Variants in B3GALT5 observed in about 807,000 individuals in gnomAD.
B3GALT5 encodes the protein UDP-Gal:betaGlcNAc beta 1,3-galactosyltransferase, polypeptide 5.
For missense variants in B3GALT5, 328 were observed against 396.6 expected (o/e 0.83, Z 1.47); for synonymous variants, 156 against 158.6 (o/e 0.98, Z 0.12).
In B3GALT5 at chr21:39,625,702, G is replaced by A. The variant is rs572760071; in HGVS notation, c.-392+12635G>A. Among the ~76,000 whole-genome samples, 5 of 152,266 alleles carry A rather than the reference G, an allele frequency of 3.3e-5. No individual in the cohort carries two copies. In the East Asian group the frequency reaches 5.8e-4, roughly 18 times the overall value. On this transcript the variant is annotated intron_variant, in intron 1 of 3. Coordinates refer to ENST00000684187, the MANE Select transcript of B3GALT5 (RefSeq NM_001356336.2). ...GCAATTCTACCTTCCTCTCACCCCC[G>A]CAGGGGCGCACACAGGGACTCCTGA...
intron 1 of B3GALT5, among the ~76,000 whole-genome samples, chr21:39,644,720 G>A (rs1487641628): frequency 6.6e-6 from 1 of 152,188 alleles, no homozygotes; most frequent in African/African-American, 2.4e-5. Context: ...TGCCATGAAT[G>A]CTTTCATTTA....
intron 2 of B3GALT5, among the ~76,000 whole-genome samples, chr21:39,656,460 GGCTCAGAAT>G (rs1351081637): frequency 6.6e-6 from 1 of 152,144 alleles, no homozygotes; most frequent in Non-Finnish European, 1.5e-5. Context: ...TCCTTCACGG[GGCTCAGAAT>G]GCTCACCAGC....
At chr21:39,652,094 C>T (rs1534079) in intron 2 of B3GALT5, among the ~76,000 whole-genome samples, 76,829 of 151,914 alleles carry the variant, frequency 0.51, 19,595 homozygotes, top group Middle Eastern at 0.57. Flanking sequence ...GTTCCTCCCC[C>T]TGGAGCTCCA....
chr21:39,623,391 A>C (rs1426048260), intron 1 of B3GALT5, among the ~76,000 whole-genome samples: 2 of 151,826 alleles, frequency 1.3e-5, no homozygotes, highest in Admixed American at 6.6e-5. Flanking sequence ...ATTTAATGAT[A>C]TATTTGATCA....
chr21:39,659,586 C>T (rs553915895), intron 2 of B3GALT5, among the ~76,000 whole-genome samples, 167 bp from the exon 3 acceptor site: 50 of 152,284 alleles, frequency 3.3e-4, no homozygotes, highest in Non-Finnish European at 5.6e-4. Context: ...TTGCCTTGAT[C>T]ATACCCATTT....
At chr21:39,628,324 T>C (rs1228670408) in intron 1 of B3GALT5, among the ~76,000 whole-genome samples, 1 of 152,188 alleles carries the variant, frequency 6.6e-6, no homozygotes, top group Non-Finnish European at 1.5e-5. Context: ...TGTGTAGTGG[T>C]CTAGTCAGGG....
chr21:39,634,444 T>G (rs931484942), intron 1 of B3GALT5, among the ~76,000 whole-genome samples: 2 of 152,194 alleles, frequency 1.3e-5, no homozygotes, highest in African/African-American at 4.8e-5. Flanking sequence ...TTTCTGGCAT[T>G]CAGTCCACTT....
rs117298342 is a variant in B3GALT5, at chr21:39,657,839, C to T, written c.-160-1914C>T. On this transcript the variant is annotated intron_variant, in intron 2 of 3. Transcript: ENST00000684187. ...GAATCTGCTGGAGAAACTGCCATTC[C>T]GTTATTGACTGGCTGGTCAGGCCAT... 1.7e-3 allele frequency: 2,050 copies of T among 1,231,486 alleles called. 14 individuals carry two copies. In the East Asian group the frequency reaches 0.029, roughly 18 times the overall value. The allele number at this position is 1,231,486 out of a possible 1,614,324, so 76.3% of individuals were successfully genotyped here.
intron 2 of B3GALT5, among the ~76,000 whole-genome samples, chr21:39,647,628 G>A (rs1326235742): frequency 4.6e-5 from 7 of 152,090 alleles, no homozygotes; most frequent in Non-Finnish European, 7.4e-5. Context: ...GATTATGGGC[G>A]TGAGTCACCA....
Position 39,667,971 on chromosome 21 carries a change from G to A in B3GALT5, c.*6479G>A, listed in dbSNP as rs1408633238. The A allele has an allele frequency of 6.6e-6, 1 of 152,262 alleles. No homozygotes were observed. Among genetic ancestry groups the A allele is most frequent in the African/African-American group, 2.4e-5 (1 of 41,468 alleles). 9.4% of individuals were successfully genotyped at this position (152,262 alleles called of 1,614,324 possible). On this transcript the variant is annotated 3_prime_UTR_variant, in exon 4 of 4. Coordinates refer to ENST00000684187, the MANE Select transcript of B3GALT5 (RefSeq NM_001356336.2). The stretch of plus-strand genomic sequence containing the variant: ...ATGATAATAGTGTTCACCTCAGAAG[G>A]TTGTCAGAGGTGTGGAAATTAAGAT...
intron 2 of B3GALT5, among the ~76,000 whole-genome samples, chr21:39,652,600 G>A (rs897117082): frequency 1.3e-5 from 2 of 152,228 alleles, no homozygotes; most frequent in Non-Finnish European, 2.9e-5. Context: ...AGCAGAAGGG[G>A]ACTCCTGTAT....
chr21:39,628,761 T>G (rs915394861), intron 1 of B3GALT5, among the ~76,000 whole-genome samples: 3 of 152,242 alleles, frequency 2.0e-5, no homozygotes, highest in African/African-American at 7.2e-5. Context: ...ATGTAAGTCT[T>G]TAGAATGGTC....
chr21:39,624,394 A>C (rs1164038352), intron 1 of B3GALT5, among the ~76,000 whole-genome samples: 1 of 152,182 alleles, frequency 6.6e-6, no homozygotes, highest in Non-Finnish European at 1.5e-5. Flanking sequence ...TAGAGAAACA[A>C]ATGCCCCCAG....
At chr21:39,657,319 C>T (rs2079454491) in intron 2 of B3GALT5, 1 of 152,258 alleles carries the variant, frequency 6.6e-6, no homozygotes, top group African/African-American at 2.4e-5. Flanking sequence ...AGGCACCATC[C>T]ATTGACTGGG....
rs2079341998 is a variant in B3GALT5 at position 39,646,588 on chromosome 21, T to C, written c.-195T>C. ...GATGAAAGATACAGAAAATGGTGCC[T>C]GCTGACCTTCTGGAGTTATTGGCTA... is the stretch of plus-strand genomic sequence containing the variant. On this transcript the variant is annotated 5_prime_UTR_variant, in exon 2 of 4. Coordinates refer to ENST00000684187, the MANE Select transcript of B3GALT5 (RefSeq NM_001356336.2). 6.6e-6 allele frequency: 1 copy of C among 152,216 alleles called. No homozygotes were observed. Among genetic ancestry groups the C allele is most frequent in the Non-Finnish European group, 1.5e-5 (1 of 68,054 alleles). The allele number at this position is 152,216 out of a possible 1,614,324, so 9.4% of individuals were successfully genotyped here.
intron 2 of B3GALT5, among the ~76,000 whole-genome samples, chr21:39,650,378 G>A (rs2079383150): frequency 6.6e-6 from 1 of 152,182 alleles, no homozygotes; most frequent in South Asian, 2.1e-4. Context: ...CAAAAGGCGG[G>A]CACAGGCTGC....
intron 1 of B3GALT5, among the ~76,000 whole-genome samples, chr21:39,623,219 C>G (rs1484909815): frequency 1.6e-5 from 1 of 63,894 alleles, no homozygotes; most frequent in Non-Finnish European, 2.9e-5. Context: ...CCCTCCCTCC[C>G]TCCCTCCCTC....
intron 2 of B3GALT5, among the ~76,000 whole-genome samples, chr21:39,654,580 T>C (rs1335920847): frequency 6.6e-6 from 1 of 152,226 alleles, no homozygotes; most frequent in Non-Finnish European, 1.5e-5. Context: ...CAAAATAAGT[T>C]CTTCTGTGGG....
At chr21:39,654,395 TC>T (rs1569218680) in intron 2 of B3GALT5, among the ~76,000 whole-genome samples, 1 of 152,162 alleles carries the variant, frequency 6.6e-6, no homozygotes, top group Admixed American at 6.5e-5. Flanking sequence ...TGATAAAACT[TC>T]AGTGGATGAG....
Sources: gnomAD v4.1 joint callset for allele counts (sites outside exome capture counted in the v4.1 genomes callset) on GRCh38, gnomAD v4.1.1 for gene constraint, MANE v1.5 for transcripts, NCBI Gene and HGNC (gene_info 2026-07-23, HGNC 2026-07-21) for gene names.